MGMT: variants seen among roughly 807,000 people sequenced by gnomAD.
The protein encoded by MGMT is methylated-DNA--protein-cysteine methyltransferase.
A neutral mutation model predicts 15.9 loss-of-function variants in MGMT; 14 were observed. The ratio of observed to expected loss-of-function variants is 0.88; its 90% CI spans 0.58 to 1.37. MGMT has a LOEUF of 1.37. Ranked by LOEUF, MGMT falls within the 40% of genes most tolerant of loss-of-function variation. MGMT has a pLI of 0.00. For missense variants in MGMT, 282 were observed against 268.1 expected, an observed-to-expected ratio of 1.05 and a Z score of -0.36; for synonymous variants, 130 against 118.2, an observed-to-expected ratio of 1.10 and a Z score of -0.65.
At chr10:129,579,717 C>T (rs888035633) in intron 2 of MGMT, among the ~76,000 whole-genome samples, 2 of 152,222 alleles carry the variant, frequency 1.3e-5, no homozygotes, top group Admixed American at 6.5e-5. Flanking sequence ...TCTCTGTCTG[C>T]GTGGTATCTC....
intron 1 of MGMT, among the ~76,000 whole-genome samples, chr10:129,468,447 C>T (rs1031081072): frequency 2.0e-5 from 3 of 152,022 alleles, no homozygotes; most frequent in South Asian, 2.1e-4. Flanking sequence ...TGCTCTGCCG[C>T]GTGTCTTTCT....
At chr10:129,520,945 A>C (rs1185602794) in intron 1 of MGMT, among the ~76,000 whole-genome samples, 3 of 143,254 alleles carry the variant, frequency 2.1e-5, no homozygotes, top group African/African-American at 7.8e-5. Flanking sequence ...ACAGCCCCTA[A>C]GGTGTGCCTA....
chr10:129,586,382 TCTG>T (rs2133050564), intron 2 of MGMT, among the ~76,000 whole-genome samples: 1 of 152,336 alleles, frequency 6.6e-6, no homozygotes, highest in South Asian at 2.1e-4. Flanking sequence ...CAATCACTGA[TCTG>T]CTGTCACTGT....
chr10:129,591,470 G>A (rs370201493), intron 2 of MGMT, among the ~76,000 whole-genome samples: 226 of 152,296 alleles, frequency 1.5e-3, no homozygotes, highest in African/African-American at 5.2e-3. Context: ...GCTGTGTCAG[G>A]TCAGAGATGC....
chr10:129,732,502 G>A (rs558233538), intron 3 of MGMT, among the ~76,000 whole-genome samples: 3 of 151,578 alleles, frequency 2.0e-5, no homozygotes, highest in East Asian at 1.9e-4. Context: ...TTTTATGGCT[G>A]CATGGTATTC....
At chr10:129,473,983 A>AT (rs1255731352) in intron 1 of MGMT, among the ~76,000 whole-genome samples, 2 of 152,198 alleles carry the variant, frequency 1.3e-5, no homozygotes, top group Non-Finnish European at 2.9e-5. Context: ...CCCATGCCTG[A>AT]TTCCCTCTGA....
chr10:129,494,662 T>C (rs1845502769), intron 1 of MGMT, among the ~76,000 whole-genome samples: 2 of 152,284 alleles, frequency 1.3e-5, no homozygotes, highest in South Asian at 4.1e-4. Context: ...TTAAATTTTA[T>C]TACATTCCAA....
intron 2 of MGMT, among the ~76,000 whole-genome samples, chr10:129,617,933 A>C (rs1319883016): frequency 1.3e-5 from 2 of 151,002 alleles, no homozygotes; most frequent in East Asian, 4.0e-4. Context: ...AAAGGATGGG[A>C]GAGTTTACCC....
chr10:129,713,964 C>A lies in MGMT; in HGVS notation c.274+5921C>A, dbSNP rs181719606. Among the ~76,000 whole-genome samples, 393 of 152,364 alleles carry A rather than the reference C, an allele frequency of 2.6e-3. 2 individuals are homozygous for A. The highest frequency in any genetic ancestry group is 0.018 in the Admixed American group (276 of 15,308). ...TCCCAGTGAGTGGGCTCCCGTCACC[C>A]GTCCTGGCTCATTTGAATACCTGCA... On this transcript the variant is annotated intron_variant, in intron 3 of 4. Coordinates refer to ENST00000651593, the MANE Select transcript of MGMT (RefSeq NM_002412.5).
chr10:129,704,011 C>A (rs1848129171), intron 2 of MGMT, among the ~76,000 whole-genome samples: 1 of 152,160 alleles, frequency 6.6e-6, no homozygotes, highest in Non-Finnish European at 1.5e-5. Flanking sequence ...ACCCTCACTG[C>A]ACAGGGCTTC....
At chr10:129,697,760 A>G (rs1277967607) in intron 2 of MGMT, among the ~76,000 whole-genome samples, 2 of 152,150 alleles carry the variant, frequency 1.3e-5, no homozygotes, top group African/African-American at 4.8e-5. Context: ...GGAGTCAGCC[A>G]CCTTGCCTGT....
At chr10:129,565,685 G>A (rs553005281) in intron 2 of MGMT, among the ~76,000 whole-genome samples, 2 of 152,260 alleles carry the variant, frequency 1.3e-5, no homozygotes, top group South Asian at 2.1e-4. Flanking sequence ...ATCAGCCCAT[G>A]TTCTTCTGCC....
intron 3 of MGMT, among the ~76,000 whole-genome samples, chr10:129,757,771 C>T (rs1029717558): frequency 2.6e-5 from 4 of 152,288 alleles, no homozygotes; most frequent in Admixed American, 1.3e-4. Context: ...AGCCATCAGC[C>T]GGTAATACAA....
intron 1 of MGMT, among the ~76,000 whole-genome samples, chr10:129,500,736 A>G (rs1216996669): frequency 1.3e-5 from 2 of 152,036 alleles, no homozygotes; most frequent in African/African-American, 4.8e-5. Flanking sequence ...GTTTTTGTAG[A>G]GACAGTGCTT....
intron 1 of MGMT, among the ~76,000 whole-genome samples, chr10:129,477,815 G>C (rs1341427498): frequency 1.3e-5 from 2 of 152,150 alleles, no homozygotes; most frequent in Non-Finnish European, 2.9e-5. Flanking sequence ...GACTAAAGTT[G>C]TTTCAAAGGC....
At chr10:129,669,949 A>G (rs1009516558) in intron 2 of MGMT, among the ~76,000 whole-genome samples, 1 of 152,194 alleles carries the variant, frequency 6.6e-6, no homozygotes, top group East Asian at 1.9e-4. Flanking sequence ...GTTGAAGGAA[A>G]TTCTTTTGAT....
chr10:129,579,607 C>G (rs1372370321), intron 2 of MGMT, among the ~76,000 whole-genome samples: 1 of 152,240 alleles, frequency 6.6e-6, no homozygotes, highest in Non-Finnish European at 1.5e-5. Flanking sequence ...GCTGTTATCT[C>G]AGCTGAGTGT....
Position 129,568,676 on chromosome 10 carries a change from A to G in MGMT, c.125+32299A>G, listed in dbSNP as rs1231010794. Among the ~76,000 whole-genome samples, 6 of 152,120 alleles carry G rather than the reference A, an allele frequency of 3.9e-5. 1 individual carries two copies. The highest frequency in any genetic ancestry group is 1.4e-4 in the African/African-American group (6 of 41,434). The stretch of plus-strand genomic sequence containing the variant: ...TCCAGTTTCTGAGACCCCTCTGGAG[A>G]TGATTTCATTGAGTTCCTCCCTCTG... On this transcript the variant is annotated intron_variant, in intron 2 of 4. Coordinates refer to ENST00000651593, the MANE Select transcript of MGMT (RefSeq NM_002412.5).
intron 3 of MGMT, among the ~76,000 whole-genome samples, chr10:129,712,326 T>G (rs895276512): frequency 6.6e-6 from 1 of 152,228 alleles, no homozygotes; most frequent in Admixed American, 6.5e-5. Flanking sequence ...CTTTGTAAAG[T>G]GACTGCAATG....
Sources: gnomAD v4.1 joint callset for allele counts (sites outside exome capture counted in the v4.1 genomes callset) on GRCh38, gnomAD v4.1.1 for gene constraint, MANE v1.5 for transcripts, NCBI Gene and HGNC (gene_info 2026-07-23, HGNC 2026-07-21) for gene names.